Variants in MAPK10 observed in about 807,000 individuals in gnomAD.
The protein encoded by MAPK10 is JNK3 alpha protein kinase.
Under a neutral mutation model 59.3 loss-of-function variants are expected in MAPK10, and 25 were observed. That is an observed-to-expected ratio of 0.42 (90% CI 0.31 to 0.59). The LOEUF is 0.59. MAPK10 is among the 20% of genes least tolerant of loss of function. MAPK10 has a pLI of 0.15. For missense variants in MAPK10, 351 were observed against 568.9 expected (o/e 0.62, Z 3.90); for synonymous variants, 190 against 200.5 (o/e 0.95, Z 0.44).
intron 13 of MAPK10, among the ~76,000 whole-genome samples, chr4:86,019,290 G>T (rs1412300517): frequency 1.3e-5 from 2 of 152,092 alleles, no homozygotes; most frequent in African/African-American, 2.4e-5. Context: ...ATACAGAAAA[G>T]CTTATGAATT....
At chr4:86,481,429 G>GAA (rs201596678) in intron 1 of MAPK10, among the ~76,000 whole-genome samples, 5 of 133,066 alleles carry the variant, frequency 3.8e-5, no homozygotes, top group East Asian at 2.2e-4. Flanking sequence ...GAAAGTGGAG[G>GAA]AAAAAAAAAA....
chr4:86,140,697 A>T (rs1201132381), intron 4 of MAPK10, among the ~76,000 whole-genome samples: 1 of 151,896 alleles, frequency 6.6e-6, no homozygotes, highest in Non-Finnish European at 1.5e-5. Context: ...AAAAAAAAAA[A>T]TTAAAGGAAA....
rs116492126 is a variant in MAPK10, at chr4:86,116,977, C to T, written c.237-9625G>A. ...TAGGCAACAATTGGACACATATCTGCTAATCAGTAGTTCTTTAGTCTTTCT... is the reference window on the plus strand; with the variant it reads ...TAGGCAACAATTGGACACATATCTGTTAATCAGTAGTTCTTTAGTCTTTCT... On this transcript the variant is annotated intron_variant, in intron 4 of 13. Transcript: ENST00000641462. 8.5e-3 allele frequency among the ~76,000 whole-genome samples: 1,300 copies of T among 152,360 alleles called. 11 individuals carry two copies. The highest frequency in any genetic ancestry group is 0.012 in the Non-Finnish European group (823 of 68,032).
intron 1 of MAPK10, among the ~76,000 whole-genome samples, chr4:86,367,171 G>C (rs1453257785): frequency 1.3e-5 from 2 of 152,146 alleles, no homozygotes; most frequent in African/African-American, 4.8e-5. Context: ...TAGGATGGTA[G>C]CAAGGGGATG....
intron 2 of MAPK10, among the ~76,000 whole-genome samples, chr4:86,221,973 C>G (rs190215361): frequency 2.0e-5 from 3 of 152,236 alleles, no homozygotes; most frequent in East Asian, 1.9e-4. Context: ...ACCTCCCCCT[C>G]TCTCTCTTGC....
chr4:86,066,702 T>G (rs565457125), intron 10 of MAPK10, among the ~76,000 whole-genome samples: 1 of 142,878 alleles, frequency 7.0e-6, no homozygotes, highest in East Asian at 2.1e-4. Context: ...GAGACGGAGC[T>G]TGCAGTGAGC....
intron 2 of MAPK10, among the ~76,000 whole-genome samples, chr4:86,348,361 G>C (rs1033951502): frequency 6.6e-6 from 1 of 152,106 alleles, no homozygotes. Context: ...TTGCTGTCAG[G>C]CTCAAGTGAA....
intron 1 of MAPK10, among the ~76,000 whole-genome samples, chr4:86,463,958 A>C (rs939574560): frequency 1.3e-5 from 2 of 152,250 alleles, no homozygotes; most frequent in African/African-American, 4.8e-5. Context: ...AAGATCTTGT[A>C]GAGTGGCTTT....
intron 2 of MAPK10, among the ~76,000 whole-genome samples, chr4:86,276,367 T>G (rs1335587532): frequency 3.3e-5 from 5 of 152,028 alleles, no homozygotes; most frequent in Admixed American, 6.6e-5. Flanking sequence ...AACCCTTCCA[T>G]CTCATCACTC....
intron 4 of MAPK10, among the ~76,000 whole-genome samples, chr4:86,158,661 G>T (rs2149226947): frequency 6.6e-6 from 1 of 151,768 alleles, no homozygotes; most frequent in East Asian, 1.9e-4. Flanking sequence ...CTGTGTAAAA[G>T]AAATGCTTAT....
At chr4:86,071,266 G>C (rs1409543436) in intron 9 of MAPK10, among the ~76,000 whole-genome samples, 1 of 150,734 alleles carries the variant, frequency 6.6e-6, no homozygotes, top group Non-Finnish European at 1.5e-5. Context: ...AAATTTGTTT[G>C]AGTTCATTGT....
intron 2 of MAPK10, among the ~76,000 whole-genome samples, chr4:86,227,719 G>A (rs1463037689): frequency 6.6e-6 from 1 of 152,088 alleles, no homozygotes; most frequent in Non-Finnish European, 1.5e-5. Context: ...ATATGGATCT[G>A]CCCACATTAT....
At chr4:86,519,376 G>A (rs1323285284) in intron 1 of MAPK10, among the ~76,000 whole-genome samples, 4 of 152,176 alleles carry the variant, frequency 2.6e-5, no homozygotes, top group Admixed American at 6.5e-5. Context: ...ATGTCCCTCT[G>A]CGTCTTTTTA....
intron 9 of MAPK10, among the ~76,000 whole-genome samples, chr4:86,089,997 A>C (rs1399751821): frequency 3.3e-5 from 5 of 152,282 alleles, no homozygotes; most frequent in Middle Eastern, 3.4e-3. Context: ...ACTGTGAATC[A>C]AAAGAAACCT....
At chr4:86,024,524 A>G (rs1749167533) in intron 13 of MAPK10, 1 of 152,214 alleles carries the variant, frequency 6.6e-6, no homozygotes, top group African/African-American at 2.4e-5. Context: ...CCTCAAGCAT[A>G]TATTTCCCCT....
At chr4:86,397,878 A>AAC (rs1554258182) in intron 1 of MAPK10, among the ~76,000 whole-genome samples, 18 of 150,096 alleles carry the variant, frequency 1.2e-4, no homozygotes, top group South Asian at 4.2e-4. Flanking sequence ...AAAAAAAAAA[A>AAC]AAAAAAAAAA....
Position 86,402,483 on chromosome 4 carries a change from T to C in MAPK10, c.-121-47839A>G, listed in dbSNP as rs115445594. On this transcript the variant is annotated intron_variant, in intron 1 of 13. Transcript: ENST00000361569. ...AAAAGAATTCATGGGCCAGGATATT[T>C]TTAAAAATCAGCTGCTAAACCTGTG... Among the ~76,000 whole-genome samples, 428 of 152,308 alleles carry C rather than the reference T, an allele frequency of 2.8e-3. 4 individuals carry two copies. Among genetic ancestry groups the C allele is most frequent in the African/African-American group, 9.8e-3 (409 of 41,568 alleles).
chr4:86,075,311 G>A (rs1295700840), intron 9 of MAPK10, among the ~76,000 whole-genome samples: 1 of 151,930 alleles, frequency 6.6e-6, no homozygotes, highest in Non-Finnish European at 1.5e-5. Flanking sequence ...TTTTTTCAAA[G>A]TTTTTAACTT....
intron 2 of MAPK10, among the ~76,000 whole-genome samples, chr4:86,277,678 TAC>T (rs1221862975): frequency 3.9e-5 from 6 of 152,174 alleles, no homozygotes; most frequent in Non-Finnish European, 1.5e-5. Context: ...TAACCAGTGT[TAC>T]TTGTTTCTAG....
Sources: allele counts gnomAD v4.1 joint callset (sites outside exome capture counted in the v4.1 genomes callset), GRCh38; gene constraint gnomAD v4.1.1; transcripts MANE v1.5; gene names NCBI Gene and HGNC (gene_info 2026-07-23, HGNC 2026-07-21).